PLB1: variants seen among roughly 807,000 people sequenced by gnomAD.
PLB1 encodes the protein phospholipase B1, also known as phospholipase B1, membrane-associated.
A neutral mutation model predicts 227.4 loss-of-function variants in PLB1; 242 were observed. The observed-to-expected ratio is 1.06, with a 90% CI of 0.96 to 1.18. PLB1 has a LOEUF of 1.18. PLB1 is among the 50% of genes most tolerant of loss of function. The pLI is 0.00. For synonymous variants in PLB1, 757 were observed against 682.2 expected, an observed-to-expected ratio of 1.11 and a Z score of -1.71; for missense variants, 1,858 against 1,816.3, an observed-to-expected ratio of 1.02 and a Z score of -0.42.
chr2:28,531,746 T>A lies in PLB1; in HGVS notation c.469-362T>A, dbSNP rs567337553. Reference sequence around the variant, plus strand: ...TTCCACAGTTTACACAGCAGTCCCCTCTTTTGGACATTTATGTTGTTTCCA... The same window carrying A: ...TTCCACAGTTTACACAGCAGTCCCCACTTTTGGACATTTATGTTGTTTCCA... On this transcript the variant is annotated intron_variant, in intron 8 of 57. Transcript: ENST00000327757. Among the ~76,000 whole-genome samples, 4 of 152,356 alleles carry A rather than the reference T, an allele frequency of 2.6e-5. 1 individual carries two copies. In the South Asian group the frequency reaches 8.3e-4, roughly 32 times the overall value.
At chr2:28,592,402 TCTC>T (rs933964131) in intron 31 of PLB1, among the ~76,000 whole-genome samples, 7 of 128,580 alleles carry the variant, frequency 5.4e-5, no homozygotes, top group Non-Finnish European at 9.4e-5. Context: ...CATCTCTCCT[TCTC>T]CCTTTCCCCA....
chr2:28,593,633 G>C (rs987560664), intron 32 of PLB1, 48 bp from the exon 33 acceptor site: 1 of 1,543,506 alleles, frequency 6.5e-7, no homozygotes, highest in Non-Finnish European at 8.9e-7. Context: ...CAGCCTCCCT[G>C]TTCTCTGACT....
intron 28 of PLB1, 56 bp from the exon 29 acceptor site, chr2:28,589,949 G>C (rs1331494782): frequency 6.5e-7 from 1 of 1,533,956 alleles, no homozygotes; most frequent in Non-Finnish European, 9.0e-7. Flanking sequence ...TGCGTCCTGA[G>C]CTTTCCATTC....
At chr2:28,518,596 G>A in intron 3 of PLB1, 64 bp downstream of exon 3, 1 of 1,254,612 alleles carries the variant, frequency 8.0e-7, no homozygotes, top group Non-Finnish European at 1.2e-6. Flanking sequence ...GGCCAGCAGA[G>A]GCTCTAACCC....
In PLB1 at chr2:28,632,946, A is replaced by G; in HGVS notation, c.4005A>G (p.Arg1335=). The G allele has an allele frequency of 6.2e-7, 1 of 1,605,170 alleles. No homozygotes were observed. The highest frequency in any genetic ancestry group is 1.5e-5 in the African/African-American group (1 of 67,288). Residue 1335 remains arginine (R), a splice_region_variant and synonymous_variant, in exon 56 of 58, where the codon AGA becomes AGG. Coordinates refer to ENST00000327757, the MANE Select transcript of PLB1 (RefSeq NM_153021.5). ...FQNTLTPLNE[R]GDTDLTFFSE... Reference sequence around the variant, plus strand: ...AACCTCCTTGCCGTTGGTTGCAGAGAGGGGACACTGACCTCACCTTCTTCT... The same window carrying G: ...AACCTCCTTGCCGTTGGTTGCAGAGGGGGGACACTGACCTCACCTTCTTCT...
At chr2:28,525,871 A>G in intron 5 of PLB1, 34 bp from the exon 6 acceptor site, 1 of 1,612,916 alleles carries the variant, frequency 6.2e-7, no homozygotes, top group Non-Finnish European at 8.5e-7. Context: ...ACACAAATGC[A>G]GCCTGACACT....
At chr2:28,634,167 C>T (rs550859275) in intron 56 of PLB1, among the ~76,000 whole-genome samples, 5 of 152,338 alleles carry the variant, frequency 3.3e-5, no homozygotes, top group African/African-American at 1.2e-4. Context: ...GGGTTTTCCT[C>T]CTGTGGACAT....
intron 18 of PLB1, among the ~76,000 whole-genome samples, chr2:28,563,647 A>G (rs933125244): frequency 6.6e-6 from 1 of 152,108 alleles, no homozygotes; most frequent in Non-Finnish European, 1.5e-5. Context: ...CCACTTCTGC[A>G]TCTGCCCCCG....
At chr2:28,579,262 A>G (rs191081951) in intron 22 of PLB1, among the ~76,000 whole-genome samples, 1 of 152,304 alleles carries the variant, frequency 6.6e-6, no homozygotes. Context: ...TTCTGGAACA[A>G]ACATTCCTTT....
intron 26 of PLB1, among the ~76,000 whole-genome samples, chr2:28,586,687 T>C (rs72791696): frequency 0.013 from 1,964 of 152,356 alleles, 24 homozygotes; most frequent in Non-Finnish European, 0.022. Flanking sequence ...TTGTGACTAC[T>C]ACCTAGCACT....
In PLB1 at chr2:28,604,661, A is replaced by C; in HGVS notation, c.2863A>C (p.Met955Leu). 2 of 1,613,914 alleles carry C rather than the reference A, an allele frequency of 1.2e-6. No homozygotes were observed. Among genetic ancestry groups the C allele is most frequent in the Non-Finnish European group, 1.7e-6 (2 of 1,179,864 alleles). The change falls in exon 41 of 58, where the codon ATG (methionine) becomes CTG (leucine). Residue 955 changes from methionine to leucine, a missense_variant. Met to Leu is a conservative substitution (Grantham distance 15). Coordinates refer to ENST00000327757, the MANE Select transcript of PLB1 (RefSeq NM_153021.5). ...EAFSRAYRSS[M>L]RELVGSGRYD... Reference sequence around the variant, plus strand: ...CCTGTGCATGTGTCCCCAGAGCAGCATGCGCGAGCTGGTGGGGTCAGGCCG... The same window carrying C: ...CCTGTGCATGTGTCCCCAGAGCAGCCTGCGCGAGCTGGTGGGGTCAGGCCG...
chr2:28,602,660 C>T (rs970563056), intron 38 of PLB1, among the ~76,000 whole-genome samples, 161 bp from the exon 39 acceptor site: 1 of 152,242 alleles, frequency 6.6e-6, no homozygotes, highest in Non-Finnish European at 1.5e-5. Context: ...TGATGTACGG[C>T]CTGTAAGGCC....
intron 3 of PLB1, among the ~76,000 whole-genome samples, chr2:28,519,245 G>A (rs1669204278): frequency 6.6e-6 from 1 of 152,170 alleles, no homozygotes; most frequent in African/African-American, 2.4e-5. Context: ...CATCTGGTGT[G>A]GATATGTGTT....
intron 9 of PLB1, among the ~76,000 whole-genome samples, chr2:28,533,211 C>G (rs899266931): frequency 1.2e-4 from 19 of 152,220 alleles, no homozygotes; most frequent in African/African-American, 4.6e-4. Flanking sequence ...CAGAACTCCC[C>G]TTCCTTTAGT....
At chr2:28,625,525 G>A (rs955928462) in intron 50 of PLB1, among the ~76,000 whole-genome samples, 8 of 150,400 alleles carry the variant, frequency 5.3e-5, no homozygotes, top group African/African-American at 7.4e-5. Flanking sequence ...TTTTTTAACC[G>A]TTCAGTGTTT....
In PLB1 at chr2:28,602,002, G is replaced by A. The variant is rs765732220; in HGVS notation, c.2673+38G>A. 4.6e-6 allele frequency: 7 copies of A among 1,534,892 alleles called. No individual in the cohort carries two copies. The East Asian group carries it at 1.1e-4, about 25-fold the overall frequency. On this transcript the variant is annotated intron_variant, in intron 38 of 57. Transcript: ENST00000327757. ...CTTCCACAAGCTGGTAACAGCTCAA[G>A]CATGGTGAGGGTGAAGGTGGATGGG...
chr2:28,539,339 G>C (rs577317238), intron 11 of PLB1, among the ~76,000 whole-genome samples, 161 bp downstream of exon 11: 1 of 152,334 alleles, frequency 6.6e-6, no homozygotes, highest in African/African-American at 2.4e-5. Context: ...GCGAGTGGCA[G>C]AGTCGGGGTG....
intron 4 of PLB1, among the ~76,000 whole-genome samples, chr2:28,524,318 C>T (rs1368409868): frequency 3.3e-5 from 5 of 152,130 alleles, no homozygotes; most frequent in African/African-American, 1.2e-4. Flanking sequence ...TTTTATATGT[C>T]CTGGGCACAA....
chr2:28,640,992 C>A lies in PLB1; in HGVS notation c.4164C>A (p.Cys1388Ter). Reference protein sequence around the residue: ...NFTHSRAKLKCPSPESPYLYT... With the variant: ...NFTHSRAKLK The stretch of plus-strand genomic sequence containing the variant: ...CCCACAGCCGAGCCAAACTCAAGTG[C>A]CCCTCTCCTGTGAGTAAACGTCCTG... Residue 1388 changes from cysteine to a stop codon, truncating the protein, a stop_gained, in exon 57 of 58, where the codon TGC becomes TGA. Transcript: ENST00000327757. LOFTEE classifies it low-confidence loss of function (END_TRUNC). The A allele has an allele frequency of 2.5e-6, 4 of 1,613,594 alleles. No individual in the cohort carries two copies. Among genetic ancestry groups the A allele is most frequent in the African/African-American group, 1.3e-5 (1 of 75,022 alleles).
Sources: gnomAD v4.1 joint callset for allele counts (sites outside exome capture counted in the v4.1 genomes callset) on GRCh38, gnomAD v4.1.1 for gene constraint, MANE v1.5 for transcripts, NCBI Gene and HGNC (gene_info 2026-07-23, HGNC 2026-07-21) for gene names.